Variants in NUMA1 observed in about 807,000 individuals in gnomAD.
NUMA1 encodes the protein nuclear mitotic apparatus protein 1.
Under a neutral mutation model 237.1 loss-of-function variants are expected in NUMA1, and 62 were observed. The observed-to-expected ratio is 0.26, with a 90% CI of 0.21 to 0.32. The LOEUF (loss-of-function observed/expected upper bound fraction) is 0.32. NUMA1 is among the 10% of genes least tolerant of loss of function. NUMA1 has a pLI of 1.00. For synonymous variants in NUMA1, 1,028 were observed against 1,066.1 expected (o/e 0.96, Z 0.70); for missense variants, 2,533 against 2,666.5 (o/e 0.95, Z 1.10).
At chr11:72,021,066 T>C (rs1325581524) in intron 8 of NUMA1, 138 bp downstream of exon 8, 1 of 699,646 alleles carries the variant, frequency 1.4e-6, no homozygotes, top group African/African-American at 1.8e-5. Flanking sequence ...ACCTACTCCA[T>C]TACACACACT....
Position 72,070,389 on chromosome 11 carries a change from C to T in NUMA1, c.-102-478G>A, listed in dbSNP as rs145960894. On this transcript the variant is annotated intron_variant, in intron 1 of 26. Coordinates refer to ENST00000393695, the MANE Select transcript of NUMA1 (RefSeq NM_006185.4). ...TTCCCACTATTCTACAGAATATACTCTGAATTGATCAAGCCAGTCTTCCCA... is the reference window on the plus strand; with the variant it reads ...TTCCCACTATTCTACAGAATATACTTTGAATTGATCAAGCCAGTCTTCCCA... 1.8e-4 allele frequency among the ~76,000 whole-genome samples: 27 copies of T among 152,334 alleles called. No individual in the cohort carries two copies. The East Asian group carries it at 4.6e-3, about 26-fold the overall frequency.
intron 9 of NUMA1, 53 bp from the exon 10 acceptor site, chr11:72,019,033 AT>A: frequency 6.3e-7 from 1 of 1,597,522 alleles, no homozygotes; most frequent in East Asian, 2.2e-5. Context: ...ATCTGAAGCA[AT>A]CAGCAACAGG....
intron 1 of NUMA1, among the ~76,000 whole-genome samples, chr11:72,071,871 C>T (rs1002616336): frequency 1.3e-5 from 2 of 151,970 alleles, no homozygotes; most frequent in Non-Finnish European, 2.9e-5. Flanking sequence ...TGAAAATTTT[C>T]AAAATAAAAT....
chr11:72,071,243 T>C (rs1010788264), intron 1 of NUMA1, among the ~76,000 whole-genome samples: 17 of 152,066 alleles, frequency 1.1e-4, no homozygotes, highest in Non-Finnish European at 2.5e-4. Flanking sequence ...TGTAAATTCC[T>C]ATAGGGTTTA....
chr11:72,079,807 T>C (rs559777705), intron 1 of NUMA1, among the ~76,000 whole-genome samples: 2 of 145,424 alleles, frequency 1.4e-5, no homozygotes, highest in South Asian at 4.3e-4. Context: ...CCCCAGGAAG[T>C]AGGTAAGGCA....
chr11:72,026,595 G>A (rs1186489909), intron 4 of NUMA1, among the ~76,000 whole-genome samples: 1 of 152,210 alleles, frequency 6.6e-6, no homozygotes, highest in East Asian at 1.9e-4. Context: ...TTTTCCCAGA[G>A]AGAAGGCCAA....
intron 2 of NUMA1, among the ~76,000 whole-genome samples, chr11:72,036,521 T>C (rs1416619259): frequency 6.6e-6 from 1 of 152,248 alleles, no homozygotes; most frequent in African/African-American, 2.4e-5. Context: ...AGCAGAAATG[T>C]TGATTTCTAG....
intron 2 of NUMA1, among the ~76,000 whole-genome samples, chr11:72,053,229 T>C (rs913109148): frequency 2.6e-5 from 4 of 152,174 alleles, no homozygotes; most frequent in African/African-American, 9.7e-5. Flanking sequence ...AAAGTGAAGC[T>C]CCCACCTTGT....
chr11:72,057,957 G>C (rs187941041), intron 2 of NUMA1, among the ~76,000 whole-genome samples: 62 of 150,940 alleles, frequency 4.1e-4, no homozygotes, highest in African/African-American at 1.5e-3. Context: ...TGTAATCCCA[G>C]CTACTAGGGA....
At chr11:72,072,150 A>G (rs1943480095) in intron 1 of NUMA1, 1 of 152,638 alleles carries the variant, frequency 6.6e-6, no homozygotes, top group Non-Finnish European at 1.5e-5. Context: ...CTCCTCATTG[A>G]GGCCATCACA....
At chr11:72,043,528 A>T (rs1213828797) in intron 2 of NUMA1, among the ~76,000 whole-genome samples, 3 of 123,134 alleles carry the variant, frequency 2.4e-5, no homozygotes, top group East Asian at 2.4e-4. Flanking sequence ...TGCCTGGCTA[A>T]TTTTTTTTTT....
intron 1 of NUMA1, among the ~76,000 whole-genome samples, chr11:72,073,306 CAAAAA>C (rs58179034): frequency 4.3e-5 from 3 of 69,260 alleles, no homozygotes; most frequent in African/African-American, 9.4e-5. Flanking sequence ...GACCCTGTCT[CAAAAA>C]AAAAAAAAAA....
chr11:72,008,455 A>G, intron 20 of NUMA1: 1 of 542,280 alleles, frequency 1.8e-6, no homozygotes, highest in Middle Eastern at 5.1e-4. Flanking sequence ...TGGCACACAC[A>G]CCTATGGATG....
chr11:72,021,407 G>T, intron 7 of NUMA1, 116 bp from the exon 8 acceptor site: 1 of 850,254 alleles, frequency 1.2e-6, no homozygotes, highest in Non-Finnish European at 1.9e-6. Context: ...CTAGGAGCCT[G>T]CTGGATCCCA....
rs17856414 is a variant in NUMA1 at position 72,013,322 on chromosome 11, C to G, written c.4181G>C (p.Gly1394Ala). The change falls in exon 15 of 27, where the codon GGA (glycine) becomes GCA (alanine). Residue 1394 changes from glycine to alanine, a missense_variant. Gly to Ala is a moderately conservative substitution (Grantham distance 60). Coordinates refer to ENST00000393695, the MANE Select transcript of NUMA1 (RefSeq NM_006185.4). This position sits in a 1 kb window ranked among gnomAD's most constrained non-coding sequence, Gnocchi z 6.8. ...GGCCCGCAGCAGCTCTGCCCGCAGTCCCCCAGCGGCCTGCTTGCTCTGCTC... is the reference window on the plus strand; with the variant it reads ...GGCCCGCAGCAGCTCTGCCCGCAGTGCCCCAGCGGCCTGCTTGCTCTGCTC... ...ELEQSKQAAG[G>A]LRAELLRAQR... is the part of the protein sequence containing the mutation. 6.2e-7 allele frequency: 1 copy of G among 1,606,054 alleles called. No individual in the cohort carries two copies. The highest frequency in any genetic ancestry group is 1.1e-5 in the South Asian group (1 of 91,056).
intron 2 of NUMA1, among the ~76,000 whole-genome samples, chr11:72,061,301 G>C (rs968699195): frequency 6.6e-6 from 1 of 152,100 alleles, no homozygotes; most frequent in Non-Finnish European, 1.5e-5. Context: ...CACAGCCAGA[G>C]CATGGCTATG....
At chr11:72,008,166 G>T (rs971327420) in intron 20 of NUMA1, 6 of 475,034 alleles carry the variant, frequency 1.3e-5, no homozygotes, top group East Asian at 1.1e-4. Flanking sequence ...ATAAGTAAAT[G>T]TAAGTGTTTA....
At chr11:72,053,267 T>C (rs1437039279) in intron 2 of NUMA1, among the ~76,000 whole-genome samples, 2 of 152,246 alleles carry the variant, frequency 1.3e-5, no homozygotes, top group East Asian at 1.9e-4. Flanking sequence ...ATAACAGGTA[T>C]GAGCCACTGT....
chr11:72,075,654 T>C (rs186048003), intron 1 of NUMA1, among the ~76,000 whole-genome samples: 2 of 152,320 alleles, frequency 1.3e-5, no homozygotes, highest in East Asian at 1.9e-4. Context: ...GCAGTTATTA[T>C]ATTGAAGTTA....
Sources: gnomAD v4.1 joint callset for allele counts (sites outside exome capture counted in the v4.1 genomes callset) on GRCh38, gnomAD v4.1.1 for gene constraint, Gnocchi (gnomAD v3.1) non-coding constraint, MANE v1.5 for transcripts, NCBI Gene and HGNC (gene_info 2026-07-23, HGNC 2026-07-21) for gene names.